Variants in EIF4EBP1 observed in about 807,000 individuals in gnomAD.
The protein encoded by EIF4EBP1 is eukaryotic translation initiation factor 4E binding protein 1.
Under a neutral mutation model 9.2 loss-of-function variants are expected in EIF4EBP1, and 5 were observed. The ratio of observed to expected loss-of-function variants is 0.54; its 90% confidence interval spans 0.28 to 1.14. The LOEUF is 1.14. Among genes scored for constraint, EIF4EBP1 ranks in the 50% most tolerant of loss-of-function variants. The probability of loss-of-function intolerance (pLI) is 0.09; values close to 1 mark genes in which losing one functional copy is unlikely to be tolerated. For missense variants in EIF4EBP1, 139 were observed against 169.6 expected (o/e 0.82, Z 1.00); for synonymous variants, 62 against 67.0 (o/e 0.93, Z 0.36).
At chr8:38,040,135 A>G (rs1418475028) in intron 1 of EIF4EBP1, among the ~76,000 whole-genome samples, 1 of 152,158 alleles carries the variant, frequency 6.6e-6, no homozygotes. Flanking sequence ...CTCCTGCCTC[A>G]ACCTCCCAAA....
At chr8:38,038,985 C>G (rs1453457354) in intron 1 of EIF4EBP1, among the ~76,000 whole-genome samples, 2 of 151,652 alleles carry the variant, frequency 1.3e-5, no homozygotes, top group African/African-American at 4.9e-5. Flanking sequence ...CTCTGCCTCC[C>G]AGGTTCAAGT....
intron 1 of EIF4EBP1, among the ~76,000 whole-genome samples, 194 bp from the exon 2 acceptor site, chr8:38,056,887 T>C (rs1809602644): frequency 6.6e-6 from 1 of 152,058 alleles, no homozygotes; most frequent in Non-Finnish European, 1.5e-5. Flanking sequence ...GGTCTCGAAC[T>C]CCTGACCTCA....
intron 1 of EIF4EBP1, among the ~76,000 whole-genome samples, chr8:38,042,267 G>C (rs1444272681): frequency 6.6e-6 from 1 of 152,136 alleles, no homozygotes; most frequent in Non-Finnish European, 1.5e-5. Context: ...ACAAAACCAG[G>C]CAGGAATGAG....
intron 1 of EIF4EBP1, among the ~76,000 whole-genome samples, chr8:38,055,030 T>C (rs1248908276): frequency 6.6e-6 from 1 of 152,118 alleles, no homozygotes; most frequent in East Asian, 1.9e-4. Context: ...AGCAGGGCTG[T>C]CAGCTTCAGT....
chr8:38,037,825 G>A (rs1809324774), intron 1 of EIF4EBP1, among the ~76,000 whole-genome samples: 1 of 152,060 alleles, frequency 6.6e-6, no homozygotes, highest in Admixed American at 6.6e-5. Flanking sequence ...GCAGGTTGGA[G>A]TACAGTGGCA....
Position 38,059,996 on chromosome 8 carries a change from C to G in EIF4EBP1, c.*61C>G. ...CCCTCAGGGCCTTCCTGGGAGGAGT[C>G]CCACCAGCCAGGCCTTATGAAAGTG... On this transcript the variant is annotated 3_prime_UTR_variant, in exon 3 of 3. Coordinates refer to ENST00000338825, the MANE Select transcript of EIF4EBP1 (RefSeq NM_004095.4). 6.6e-7 allele frequency: 1 copy of G among 1,521,750 alleles called. No homozygotes were observed. The highest frequency in any genetic ancestry group is 9.1e-7 in the Non-Finnish European group (1 of 1,095,920). The allele number at this position is 1,521,750 out of a possible 1,614,324, so 94.3% of individuals were successfully genotyped here. A position where few individuals can be genotyped will look rare whatever the true frequency, so the allele number is the denominator to read the frequency against.
intron 1 of EIF4EBP1, among the ~76,000 whole-genome samples, chr8:38,056,727 G>A (rs963035483): frequency 2.7e-5 from 4 of 150,532 alleles, no homozygotes; most frequent in African/African-American, 9.8e-5. Context: ...GTACAGTGGT[G>A]CAATCGGCTC....
intron 1 of EIF4EBP1, among the ~76,000 whole-genome samples, chr8:38,032,860 C>T (rs965079559): frequency 6.6e-6 from 1 of 152,152 alleles, no homozygotes; most frequent in Admixed American, 6.5e-5. Flanking sequence ...CAAAGCCCAC[C>T]TCAGCCCACC....
intron 1 of EIF4EBP1, among the ~76,000 whole-genome samples, chr8:38,034,695 T>C (rs1042509276): frequency 2.0e-5 from 3 of 152,204 alleles, no homozygotes; most frequent in African/African-American, 7.2e-5. Flanking sequence ...CAGGTGTTAA[T>C]GGCACCCTGT....
chr8:38,051,240 C>T (rs1809519777), intron 1 of EIF4EBP1, among the ~76,000 whole-genome samples: 1 of 152,198 alleles, frequency 6.6e-6, no homozygotes. Context: ...TCCACCCCCA[C>T]CTCCCTGCAT....
intron 1 of EIF4EBP1, among the ~76,000 whole-genome samples, chr8:38,055,339 A>G (rs972711727): frequency 2.6e-5 from 4 of 152,172 alleles, no homozygotes; most frequent in Admixed American, 6.5e-5. Context: ...ATTAAAAATC[A>G]AAAAAGTAAA....
At chr8:38,052,175 G>A (rs1360462135) in intron 1 of EIF4EBP1, among the ~76,000 whole-genome samples, 1 of 152,106 alleles carries the variant, frequency 6.6e-6, no homozygotes, top group Non-Finnish European at 1.5e-5. Flanking sequence ...ACCCACTCGT[G>A]TTTCCATTTC....
At position 38,047,935 on chromosome 8, in the gene EIF4EBP1, CTG is replaced by C. The variant is rs1453705615; in HGVS notation, c.146-9145_146-9144del. ...CCTGTAATCCCAGCTCCTCAGGAGG[CTG>C]AGGCGGGAGGATCACTTGAGCCCAG... is the stretch of plus-strand genomic sequence containing the variant. On this transcript the variant is annotated intron_variant, in intron 1 of 2. Transcript: ENST00000338825. 2.6e-5 allele frequency among the ~76,000 whole-genome samples: 4 copies of C among 152,102 alleles called. No individual in the cohort carries two copies. The East Asian group carries it at 7.7e-4, about 29-fold the overall frequency.
chr8:38,056,926 G>A (rs1809603350), intron 1 of EIF4EBP1, among the ~76,000 whole-genome samples, 155 bp from the exon 2 acceptor site: 1 of 152,124 alleles, frequency 6.6e-6, no homozygotes, highest in Non-Finnish European at 1.5e-5. Context: ...GTCTCCCAAA[G>A]TGCTGGGATT....
rs1027694851 is a variant in EIF4EBP1, at chr8:38,041,303, A to G, written c.145+10585A>G. Among the ~76,000 whole-genome samples the G allele has an allele frequency of 4.6e-5, 7 of 152,030 alleles. No homozygotes were observed. In the East Asian group the frequency reaches 7.8e-4, roughly 17 times the overall value. ...TTTTAGTAGAGGCGGGGGTCTCACC[A>G]TGTTGGCCAGGCTGGTCTCGAACTT... On this transcript the variant is annotated intron_variant, in intron 1 of 2. Transcript: ENST00000338825.
intron 1 of EIF4EBP1, among the ~76,000 whole-genome samples, chr8:38,036,501 T>C (rs1379143164): frequency 6.6e-6 from 1 of 152,146 alleles, no homozygotes; most frequent in Non-Finnish European, 1.5e-5. Flanking sequence ...ATTTTTTTGC[T>C]TCCTAAAAGA....
At chr8:38,033,939 G>C (rs1809264389) in intron 1 of EIF4EBP1, among the ~76,000 whole-genome samples, 1 of 151,834 alleles carries the variant, frequency 6.6e-6, no homozygotes, top group Non-Finnish European at 1.5e-5. Flanking sequence ...GTAGAGACAG[G>C]GTTTCACCGT....
At chr8:38,045,809 A>G (rs1809441292) in intron 1 of EIF4EBP1, among the ~76,000 whole-genome samples, 1 of 152,076 alleles carries the variant, frequency 6.6e-6, no homozygotes, top group Admixed American at 6.6e-5. Context: ...GTAAAATTGT[A>G]GTTCCCTACA....
intron 1 of EIF4EBP1, among the ~76,000 whole-genome samples, chr8:38,033,200 G>A (rs997820786): frequency 6.6e-6 from 1 of 151,602 alleles, no homozygotes; most frequent in Admixed American, 6.6e-5. Flanking sequence ...CAATAACTGG[G>A]ACAACAGGCA....
Sources: gnomAD v4.1 joint callset for allele counts (sites outside exome capture counted in the v4.1 genomes callset) on GRCh38, gnomAD v4.1.1 for gene constraint, MANE v1.5 for transcripts, NCBI Gene and HGNC (gene_info 2026-07-23, HGNC 2026-07-21) for gene names.